KDM6A: variants seen among roughly 807,000 people sequenced by gnomAD.
KDM6A encodes lysine-specific demethylase 6A.
KDM6A carries 11 observed loss-of-function variants against 117.6 expected under a neutral mutation model. The observed-to-expected ratio is 0.09, with a 90% CI of 0.06 to 0.15. KDM6A has a LOEUF of 0.15. KDM6A is among the 10% of genes least tolerant of loss of function. The pLI is 1.00. For synonymous variants in KDM6A, 384 were observed against 396.1 expected (o/e 0.97, Z 0.36); for missense variants, 799 against 1,077.3 (o/e 0.74, Z 3.62).
At chrX:45,101,105 AT>A (rs765362222) in intron 27 of KDM6A, among the ~76,000 whole-genome samples, 1 of 110,788 alleles carries the variant, frequency 9.0e-6, no homozygotes, top group East Asian at 2.8e-4. Flanking sequence ...ATCCATTTTT[AT>A]TTTCCTAAGT....
intron 9 of KDM6A, among the ~76,000 whole-genome samples, chrX:45,053,269 T>C (rs1199732126): frequency 9.1e-6 from 1 of 110,008 alleles, no homozygotes; most frequent in Non-Finnish European, 1.9e-5. Flanking sequence ...CTGTCTCTAC[T>C]AAAAATACAA....
intron 27 of KDM6A, among the ~76,000 whole-genome samples, chrX:45,100,929 C>T (rs1395018371): frequency 9.1e-6 from 1 of 109,350 alleles, no homozygotes; most frequent in Non-Finnish European, 1.9e-5. Context: ...AAGGGATCCC[C>T]CTGCCTCGGC....
intron 2 of KDM6A, among the ~76,000 whole-genome samples, chrX:44,876,999 A>G (rs913448728): frequency 9.0e-6 from 1 of 110,909 alleles, no homozygotes; most frequent in African/African-American, 3.2e-5. Context: ...ACGCATACGT[A>G]TATACACACG....
chrX:44,976,108 T>C (rs1016933518), intron 4 of KDM6A, among the ~76,000 whole-genome samples: 2 of 111,654 alleles, frequency 1.8e-5, no homozygotes, highest in African/African-American at 6.5e-5. Context: ...GAGACAAAAA[T>C]CCAGATTAGC....
In KDM6A at chrX:45,111,481, T is replaced by C; in HGVS notation, c.*70T>C. On this transcript the variant is annotated 3_prime_UTR_variant, in exon 30 of 30. Coordinates refer to ENST00000611820, the MANE Select transcript of KDM6A (RefSeq NM_001291415.2). The stretch of plus-strand genomic sequence containing the variant: ...AAATAACCCAGTTCTGCACCACTGG[T>C]TTTTGTAGCTATCTCGTAAGGCTGC... 1 of 914,236 alleles carries C rather than the reference T, an allele frequency of 1.1e-6. No individual in the cohort carries two copies. Among genetic ancestry groups the C allele is most frequent in the Non-Finnish European group, 1.6e-6 (1 of 625,735 alleles). 75.3% of individuals were successfully genotyped at this position (914,236 alleles called of 1,213,427 possible).
chrX:44,907,601 G>T (rs1441560746), intron 2 of KDM6A, among the ~76,000 whole-genome samples: 1 of 106,905 alleles, frequency 9.4e-6, no homozygotes, highest in East Asian at 2.9e-4. Flanking sequence ...TCCTGTCTCA[G>T]CTTCTAGAGT....
chrX:45,062,953 A>G (rs774933716), intron 16 of KDM6A, among the ~76,000 whole-genome samples: 1 of 111,886 alleles, frequency 8.9e-6, no homozygotes, highest in African/African-American at 3.2e-5. Context: ...GATACTTTGT[A>G]TTTTATTTAT....
chrX:44,895,077 TA>T (rs1476857801), intron 2 of KDM6A, among the ~76,000 whole-genome samples: 5 of 53,393 alleles, frequency 9.4e-5, no homozygotes, highest in South Asian at 2.0e-3. Context: ...ACTTTTATTT[TA>T]TTTATTTATT....
intron 11 of KDM6A, 35 bp downstream of exon 11, chrX:45,059,139 T>C: frequency 8.5e-7 from 1 of 1,181,662 alleles, no homozygotes; most frequent in Non-Finnish European, 1.2e-6. Flanking sequence ...GTAATTTAAT[T>C]GATATACAAA....
intron 2 of KDM6A, among the ~76,000 whole-genome samples, chrX:44,953,001 C>T (rs2038108048): frequency 1.8e-5 from 2 of 110,668 alleles, no homozygotes; most frequent in South Asian, 7.8e-4. Context: ...AGGCTGGTCT[C>T]CAGTAATCCC....
intron 3 of KDM6A, among the ~76,000 whole-genome samples, chrX:44,963,483 G>GTGTCTGTCTGTCTGTC (rs1556012411): frequency 1.3e-3 from 53 of 40,879 alleles, no homozygotes; most frequent in Middle Eastern, 0.027. Flanking sequence ...GTGTGTGTGT[G>GTGTCTGTCTGTCTGTC]TGTCTGTCTG....
rs2044719875 is a variant in KDM6A at position 45,069,613 on chromosome X, G to A, written c.2114G>A (p.Gly705Asp). The A allele has an allele frequency of 3.3e-6, 4 of 1,208,478 alleles. No homozygotes were observed. Among genetic ancestry groups the A allele is most frequent in the African/African-American group, 3.5e-5 (2 of 56,864 alleles). The change falls in exon 18 of 30, where the codon GGT becomes GAT. Residue 705 changes from glycine to aspartate, a missense_variant. Gly to Asp is a moderately conservative substitution (Grantham distance 94, BLOSUM62 -1). Coordinates refer to ENST00000611820, the MANE Select transcript of KDM6A (RefSeq NM_001291415.2). ...LHKGQSSHSA[G>D]PNGERPLSST... The stretch of plus-strand genomic sequence containing the variant: ...AAAGGTCAGAGTTCACATTCGGCAG[G>A]TCCTAATGGTGAACGACCTCTCTCT...
intron 4 of KDM6A, among the ~76,000 whole-genome samples, chrX:45,001,402 T>C (rs2041137189): frequency 9.0e-6 from 1 of 111,661 alleles, no homozygotes; most frequent in African/African-American, 3.3e-5. Context: ...CTCCACAGAA[T>C]GTTGGACTAA....
intron 2 of KDM6A, among the ~76,000 whole-genome samples, chrX:44,932,695 T>C (rs1386639175): frequency 9.0e-6 from 1 of 110,931 alleles, no homozygotes; most frequent in African/African-American, 3.3e-5. Context: ...AGCCCCTTAT[T>C]CACATGTCTT....
At chrX:44,922,027 CCTTTTTTTTTTTTTTTTTT>C (rs1398339948) in intron 2 of KDM6A, among the ~76,000 whole-genome samples, 1,103 of 37,711 alleles carry the variant, frequency 0.029, 117 homozygotes, top group African/African-American at 0.089. Flanking sequence ...ATTGTGTGTG[CCTTTTTTTTTTTTTTTTTT>C]TTTTTTTTTT....
chrX:44,877,088 C>T (rs781408327), intron 2 of KDM6A, among the ~76,000 whole-genome samples: 71 of 111,319 alleles, frequency 6.4e-4, no homozygotes, highest in African/African-American at 2.3e-3. Context: ...TATGCATATG[C>T]GTATGTATAC....
rs375984307 is a variant in KDM6A, at chrX:44,913,363, A to G, written c.225+39376A>G. On this transcript the variant is annotated intron_variant, in intron 2 of 29. Coordinates refer to ENST00000611820, the MANE Select transcript of KDM6A (RefSeq NM_001291415.2). ...GCCCAGGCTGGAGTGCAGTGGTGTG[A>G]TCTTGGCTCACTGCGACCTCCGCCT... 6.5e-5 allele frequency among the ~76,000 whole-genome samples: 6 copies of G among 91,882 alleles called. No homozygotes were observed. In the East Asian group the frequency reaches 1.0e-3, roughly 16 times the overall value. 79.8% of individuals were successfully genotyped at this position (91,882 alleles called of 115,157 possible).
chrX:45,020,517 A>C, intron 5 of KDM6A, 93 bp from the exon 6 acceptor site: 1 of 919,738 alleles, frequency 1.1e-6, no homozygotes, highest in Non-Finnish European at 1.6e-6. Context: ...CTTTAAAACA[A>C]TATTGCATAA....
intron 2 of KDM6A, among the ~76,000 whole-genome samples, chrX:44,959,004 G>A (rs2038524640): frequency 1.8e-5 from 2 of 111,235 alleles, no homozygotes; most frequent in African/African-American, 6.5e-5. Context: ...TTTAAAAAGT[G>A]TGTTAGATAT....
Sources: allele counts gnomAD v4.1 joint callset (sites outside exome capture counted in the v4.1 genomes callset), GRCh38; gene constraint gnomAD v4.1.1; transcripts MANE v1.5; gene names NCBI Gene and HGNC (gene_info 2026-07-23, HGNC 2026-07-21).